Variants in RAD51B observed in about 807,000 individuals in gnomAD.
RAD51B encodes RAD51 paralog B.
RAD51B carries 38 observed loss-of-function variants against 42.2 expected under a neutral mutation model. The ratio of observed to expected loss-of-function variants is 0.90; its 90% CI spans 0.70 to 1.18. RAD51B has a LOEUF of 1.18. Ranked by LOEUF, RAD51B falls within the 50% of genes most tolerant of loss-of-function variation. RAD51B has a pLI of 0.00. For missense variants in RAD51B, 373 were observed against 400.7 expected (o/e 0.93, Z 0.59); for synonymous variants, 154 against 145.2 (o/e 1.06, Z -0.43).
At chr14:68,466,805 A>G (rs1003976823) in intron 9 of RAD51B, among the ~76,000 whole-genome samples, 1 of 152,240 alleles carries the variant, frequency 6.6e-6, no homozygotes, top group Non-Finnish European at 1.5e-5. Flanking sequence ...GTTATTTACT[A>G]AAGGGAAGAA....
intron 7 of RAD51B, among the ~76,000 whole-genome samples, chr14:67,950,053 GC>G (rs1424430818): frequency 2.0e-5 from 3 of 151,980 alleles, no homozygotes; most frequent in African/African-American, 4.8e-5. Context: ...ACTTTTGGGG[GC>G]CCTAGGATTT....
chr14:68,481,831 A>G (rs1047242818), downstream of RAD51B, among the ~76,000 whole-genome samples: 1 of 152,242 alleles, frequency 6.6e-6, no homozygotes, highest in African/African-American at 2.4e-5. Flanking sequence ...ACACAATAGT[A>G]AAGAACTCAG....
At chr14:68,497,401 A>G in intron 10 of RAD51B, 1 of 1,157,738 alleles carries the variant, frequency 8.6e-7, no homozygotes, top group Non-Finnish European at 1.1e-6. Context: ...CACTGATTTG[A>G]TACCATGGCA....
intron 9 of RAD51B, among the ~76,000 whole-genome samples, chr14:68,438,143 C>T (rs1438173044): frequency 3.3e-5 from 5 of 152,034 alleles, no homozygotes; most frequent in African/African-American, 1.2e-4. Flanking sequence ...AGCAAGCCTG[C>T]GACATCAGAT....
intron 5 of RAD51B, among the ~76,000 whole-genome samples, chr14:67,866,368 A>G (rs1455551955): frequency 6.6e-6 from 1 of 152,196 alleles, no homozygotes; most frequent in African/African-American, 2.4e-5. Context: ...CAAATTGTCC[A>G]AGTACTCTTT....
chr14:68,599,020 A>C (rs751820549), downstream of RAD51B, among the ~76,000 whole-genome samples: 2 of 152,210 alleles, frequency 1.3e-5, no homozygotes, highest in African/African-American at 2.4e-5. Flanking sequence ...GGAACACAGC[A>C]GCACTTTGGA....
intron 7 of RAD51B, among the ~76,000 whole-genome samples, chr14:68,171,345 C>G (rs1398246205): frequency 6.6e-6 from 1 of 152,144 alleles, no homozygotes; most frequent in African/African-American, 2.4e-5. Flanking sequence ...GTTGCCCAGT[C>G]TGGAGTGCAA....
chr14:67,869,307 G>A (rs185470425), intron 5 of RAD51B, among the ~76,000 whole-genome samples: 22,393 of 152,170 alleles, frequency 0.15, 1,914 homozygotes, highest in Non-Finnish European at 0.2. Context: ...CTCAGGAGCC[G>A]ATGCAATCAA....
chr14:68,022,980 T>A (rs900951899), intron 7 of RAD51B, among the ~76,000 whole-genome samples: 1 of 152,192 alleles, frequency 6.6e-6, no homozygotes, highest in African/African-American at 2.4e-5. Context: ...AAGGACATGA[T>A]CTCATTCTTT....
At chr14:68,629,880 G>A (rs1000315163) in intron 10 of RAD51B, among the ~76,000 whole-genome samples, 3 of 152,214 alleles carry the variant, frequency 2.0e-5, no homozygotes, top group African/African-American at 7.2e-5. Context: ...TAGACCAACA[G>A]TCTAACTTTG....
intron 7 of RAD51B, among the ~76,000 whole-genome samples, chr14:68,143,917 T>C (rs1281408150): frequency 6.6e-6 from 1 of 152,170 alleles, no homozygotes. Flanking sequence ...GATGGCTTTA[T>C]TTTTTTCTCC....
chr14:68,165,941 C>T (rs1413594345), intron 7 of RAD51B, among the ~76,000 whole-genome samples: 1 of 152,120 alleles, frequency 6.6e-6, no homozygotes, highest in East Asian at 1.9e-4. Context: ...TCATACCTCC[C>T]CCTTTACAAT....
In RAD51B at chr14:68,640,327, AC is replaced by A. The variant is rs1323310154; in HGVS notation, c.1037-10453del. Among the ~76,000 whole-genome samples, 3 of 152,168 alleles carry A rather than the reference AC, an allele frequency of 2.0e-5. No homozygotes were observed. The East Asian group carries it at 5.8e-4, about 29-fold the overall frequency. ...GAATAACCATGTCAACCTACGGCAA[AC>A]ACCTTAATCTCTGGGAGCCTTGGTT... is the stretch of plus-strand genomic sequence containing the variant. On this transcript the variant is annotated intron_variant, in intron 10 of 11. Coordinates refer to the RAD51B transcript ENST00000488612.
At position 67,852,305 on chromosome 14, in the gene RAD51B, G is replaced by A. The variant is rs117044273; in HGVS notation, c.316-12698G>A. Among the ~76,000 whole-genome samples, 441 of 152,338 alleles carry A rather than the reference G, an allele frequency of 2.9e-3. 12 individuals carry two copies. The East Asian group carries it at 0.074, about 25-fold the overall frequency. On this transcript the variant is annotated intron_variant, in intron 4 of 10. Coordinates refer to ENST00000471583, the MANE Select transcript of RAD51B (RefSeq NM_133510.4). ...CCATGGATATGGCTTCTATCCTAGAGCTACGCGAAAAAACCTGGCCTCCCT... is the reference window on the plus strand; with the variant it reads ...CCATGGATATGGCTTCTATCCTAGAACTACGCGAAAAAACCTGGCCTCCCT...
intron 7 of RAD51B, among the ~76,000 whole-genome samples, chr14:68,088,136 G>T (rs1484813642): frequency 6.7e-6 from 1 of 149,604 alleles, no homozygotes; most frequent in Non-Finnish European, 1.5e-5. Flanking sequence ...TCAAAATCAA[G>T]GATCTCATTT....
At chr14:68,397,469 G>C (rs531291809) in intron 8 of RAD51B, among the ~76,000 whole-genome samples, 1 of 152,192 alleles carries the variant, frequency 6.6e-6, no homozygotes, top group Non-Finnish European at 1.5e-5. Flanking sequence ...CCGGGGATTG[G>C]GACATGCTTG....
At chr14:68,389,598 T>G (rs937272573) in intron 8 of RAD51B, among the ~76,000 whole-genome samples, 1 of 152,244 alleles carries the variant, frequency 6.6e-6, no homozygotes, top group Non-Finnish European at 1.5e-5. Context: ...GACCATAGTG[T>G]GCATACTACT....
chr14:68,039,342 C>G (rs138999824), intron 7 of RAD51B, among the ~76,000 whole-genome samples: 2 of 150,202 alleles, frequency 1.3e-5, no homozygotes, highest in Non-Finnish European at 3.0e-5. Context: ...GCAGGAGAAT[C>G]GCTTGAACCT....
At chr14:68,432,883 G>A (rs2085048256) in intron 9 of RAD51B, among the ~76,000 whole-genome samples, 1 of 152,296 alleles carries the variant, frequency 6.6e-6, no homozygotes, top group Middle Eastern at 3.4e-3. Flanking sequence ...GCAGTGGCTG[G>A]TACCAGTTAT....
Sources: gnomAD v4.1 joint callset for allele counts (sites outside exome capture counted in the v4.1 genomes callset) on GRCh38, gnomAD v4.1.1 for gene constraint, MANE v1.5 for transcripts, NCBI Gene and HGNC (gene_info 2026-07-23, HGNC 2026-07-21) for gene names.